Variants in ICA1 observed in about 807,000 individuals in gnomAD.
The protein encoded by ICA1 is 69 kDa islet cell autoantigen.
A neutral mutation model predicts 71.0 loss-of-function variants in ICA1; 40 were observed. That is an observed-to-expected ratio of 0.56 (90% CI 0.44 to 0.73). ICA1 has a LOEUF of 0.73. Ranked by LOEUF, ICA1 falls within the 30% of genes least tolerant of loss-of-function variation. The probability of loss-of-function intolerance (pLI) is 0.00; values close to 1 mark genes in which losing one functional copy is unlikely to be tolerated. For synonymous variants in ICA1, 207 were observed against 209.5 expected (o/e 0.99, Z 0.10); for missense variants, 578 against 576.5 (o/e 1.00, Z -0.03).
chr7:8,230,326 G>C (rs1472281465), intron 3 of ICA1, among the ~76,000 whole-genome samples: 1 of 152,186 alleles, frequency 6.6e-6, no homozygotes, highest in Non-Finnish European at 1.5e-5. Context: ...TGGAACACAA[G>C]TTTTCTGTGC....
chr7:8,216,437 AT>A (rs3840619), intron 6 of ICA1, among the ~76,000 whole-genome samples: 42,960 of 151,818 alleles, frequency 0.28, 9,159 homozygotes, highest in African/African-American at 0.6. Flanking sequence ...ATGGCAAAGG[AT>A]TTTTTTTTAA....
intron 8 of ICA1, among the ~76,000 whole-genome samples, chr7:8,146,715 G>T (rs980761625): frequency 7.0e-6 from 1 of 143,208 alleles, no homozygotes; most frequent in African/African-American, 2.6e-5. Flanking sequence ...TGAAAGTCAG[G>T]CACGTGTGTG....
At chr7:8,124,174 G>A (rs934018522) in intron 13 of ICA1, among the ~76,000 whole-genome samples, 1 of 139,720 alleles carries the variant, frequency 7.2e-6, no homozygotes, top group Non-Finnish European at 1.5e-5. Flanking sequence ...AGGCTGGAGT[G>A]CAGTGGCGGG....
intron 8 of ICA1, among the ~76,000 whole-genome samples, chr7:8,149,689 C>T (rs1281232847): frequency 2.0e-5 from 3 of 152,228 alleles, no homozygotes; most frequent in Non-Finnish European, 1.5e-5. Flanking sequence ...GTAGTATCTT[C>T]TCTAGCCTTT....
At chr7:8,126,447 C>T (rs1435326092) in intron 13 of ICA1, among the ~76,000 whole-genome samples, 2 of 152,022 alleles carry the variant, frequency 1.3e-5, no homozygotes, top group African/African-American at 4.8e-5. Context: ...TTCATTTATC[C>T]CTGCTATCTC....
chr7:8,168,688 A>T (rs753758715), intron 6 of ICA1, among the ~76,000 whole-genome samples: 7 of 152,186 alleles, frequency 4.6e-5, no homozygotes, highest in Non-Finnish European at 7.4e-5. Flanking sequence ...TCTTTAGCTC[A>T]GGCTTCTCAA....
chr7:8,138,961 G>C lies in ICA1; in HGVS notation c.1018+24C>G, dbSNP rs756171890. On this transcript the variant is annotated intron_variant, in intron 11 of 13. Coordinates refer to ENST00000402384, the MANE Select transcript of ICA1 (RefSeq NM_001136020.3). ...GTTTGAGTCAAATAATTAAAATTGA[G>C]TAGTTTTCCTTAATCTAGGTTACCT... The C allele has an allele frequency of 1.9e-6, 3 of 1,603,398 alleles. No individual in the cohort carries two copies. In the South Asian group the frequency reaches 3.3e-5, roughly 18 times the overall value.
intron 6 of ICA1, among the ~76,000 whole-genome samples, chr7:8,206,148 G>C (rs781020095): frequency 6.6e-6 from 1 of 152,052 alleles, no homozygotes; most frequent in East Asian, 1.9e-4. Flanking sequence ...TTCCCTTTCC[G>C]GATAAGCATA....
At position 8,257,654 on chromosome 7, in the gene ICA1, T is replaced by C. The variant is rs572594341; in HGVS notation, c.-80+4440A>G. Among the ~76,000 whole-genome samples the C allele has an allele frequency of 9.8e-4, 149 of 152,350 alleles. 1 individual carries two copies. Among genetic ancestry groups the C allele is most frequent in the Non-Finnish European group, 1.4e-3 (95 of 68,028 alleles). The stretch of plus-strand genomic sequence containing the variant: ...ACCCTCTCTTAATTCATGTATTTTC[T>C]GCTAAATGTATTCTAAAATTGAACT... On this transcript the variant is annotated intron_variant, in intron 1 of 13. Transcript: ENST00000402384.
intron 1 of ICA1, among the ~76,000 whole-genome samples, chr7:8,243,519 T>C (rs937209781): frequency 3.9e-5 from 6 of 152,122 alleles, no homozygotes; most frequent in East Asian, 1.9e-4. Flanking sequence ...GACAGGGATG[T>C]CCTCTCTCAC....
At chr7:8,187,242 T>C (rs1784188184) in intron 6 of ICA1, among the ~76,000 whole-genome samples, 1 of 152,230 alleles carries the variant, frequency 6.6e-6, no homozygotes, top group Non-Finnish European at 1.5e-5. Context: ...AGCATTATAT[T>C]ACACATGAGA....
At chr7:8,206,733 G>GAAAAAAAAA (rs60704635) in intron 6 of ICA1, among the ~76,000 whole-genome samples, 4 of 135,614 alleles carry the variant, frequency 2.9e-5, no homozygotes, top group East Asian at 2.4e-4. Context: ...GGTTTAAAAT[G>GAAAAAAAAA]AAAAAAAAAA....
chr7:8,138,533 C>T (rs1794158802), intron 12 of ICA1, among the ~76,000 whole-genome samples: 1 of 152,130 alleles, frequency 6.6e-6, no homozygotes, highest in Non-Finnish European at 1.5e-5. Flanking sequence ...ATGGTAAAAC[C>T]AGTCTTTAAA....
At chr7:8,213,710 T>C (rs1794557378) in intron 6 of ICA1, among the ~76,000 whole-genome samples, 1 of 152,228 alleles carries the variant, frequency 6.6e-6, no homozygotes, top group Non-Finnish European at 1.5e-5. Flanking sequence ...ATATCAATAC[T>C]GCTGTTTACC....
intron 1 of ICA1, among the ~76,000 whole-genome samples, chr7:8,261,565 A>G (rs1202831505): frequency 6.6e-6 from 1 of 152,094 alleles, no homozygotes; most frequent in East Asian, 1.9e-4. Context: ...GTGGTTATAA[A>G]GAGGTACCCA....
At chr7:8,255,753 C>T (rs931777559) in intron 1 of ICA1, among the ~76,000 whole-genome samples, 4 of 150,896 alleles carry the variant, frequency 2.7e-5, no homozygotes, top group South Asian at 2.1e-4. Context: ...ACTGAATGGC[C>T]TAAGTTGAAA....
rs1463528551 is a variant in ICA1 at position 8,226,917 on chromosome 7, A to C, written c.256+1684T>G. On this transcript the variant is annotated intron_variant, in intron 4 of 13. Transcript: ENST00000402384. This position sits in a 1 kb window ranked among gnomAD's most constrained non-coding sequence, Gnocchi z 4.4. ...CCTCTATATTCTTTTAGAAACACTA[A>C]TATACGTAGGAAGCATAATTTCTGT... 6.6e-6 allele frequency among the ~76,000 whole-genome samples: 1 copy of C among 152,176 alleles called. No individual in the cohort carries two copies. The highest frequency in any genetic ancestry group is 2.4e-5 in the African/African-American group (1 of 41,436).
chr7:8,198,432 G>C (rs185584545), intron 6 of ICA1, among the ~76,000 whole-genome samples: 2 of 152,340 alleles, frequency 1.3e-5, no homozygotes, highest in African/African-American at 4.8e-5. Context: ...TGAAACCACA[G>C]AGGGCTTTGT....
intron 7 of ICA1, 106 bp downstream of exon 7, chr7:8,158,421 C>T: frequency 7.0e-7 from 1 of 1,424,462 alleles, no homozygotes; most frequent in South Asian, 1.3e-5. Flanking sequence ...GAAAGGCATT[C>T]AGAACTTCAC....
Sources: gnomAD v4.1 joint callset for allele counts (sites outside exome capture counted in the v4.1 genomes callset) on GRCh38, gnomAD v4.1.1 for gene constraint, Gnocchi (gnomAD v3.1) non-coding constraint, MANE v1.5 for transcripts, NCBI Gene and HGNC (gene_info 2026-07-23, HGNC 2026-07-21) for gene names.